Variants in METTL16 observed in about 807,000 individuals in gnomAD.
The protein encoded by METTL16 is methyltransferase 16, RNA N6-adenosine.
METTL16 carries 19 observed loss-of-function variants against 57.9 expected under a neutral mutation model. The observed-to-expected ratio is 0.33, with a 90% CI of 0.23 to 0.48. METTL16 has a LOEUF of 0.48. Among genes scored for constraint, METTL16 ranks in the 20% least tolerant of loss-of-function variants. The pLI is 0.99. For synonymous variants in METTL16, 246 were observed against 255.6 expected (o/e 0.96, Z 0.36); for missense variants, 434 against 691.5 (o/e 0.63, Z 4.18).
intron 6 of METTL16, among the ~76,000 whole-genome samples, chr17:2,444,124 C>T (rs2066975128): frequency 6.6e-6 from 1 of 152,106 alleles, no homozygotes; most frequent in Admixed American, 6.6e-5. Flanking sequence ...ATAAGGACAT[C>T]TCAGTCAGTA....
chr17:2,487,289 G>C (rs1252018366), intron 2 of METTL16, among the ~76,000 whole-genome samples: 1 of 152,216 alleles, frequency 6.6e-6, no homozygotes, highest in Non-Finnish European at 1.5e-5. Flanking sequence ...TTTAAGCGGA[G>C]ATGGAGCCCA....
rs2066744614 is a variant in METTL16, at chr17:2,419,602, CA to C, written c.*367del. The C allele has an allele frequency of 2.1e-6, 1 of 476,992 alleles. No individual in the cohort carries two copies. The highest frequency in any genetic ancestry group is 4.1e-6 in the Non-Finnish European group (1 of 241,514). 29.5% of individuals were successfully genotyped at this position (476,992 alleles called of 1,614,324 possible). ...AAGAAACACCCTTGGGTGACAGAGA[CA>C]GCATGATATTCTAGGCAGTGCTGCC... On this transcript the variant is annotated 3_prime_UTR_variant, in exon 10 of 10. Transcript: ENST00000263092.
intron 6 of METTL16, among the ~76,000 whole-genome samples, chr17:2,443,493 T>C (rs2066969004): frequency 6.6e-6 from 1 of 150,602 alleles, no homozygotes; most frequent in African/African-American, 2.4e-5. Flanking sequence ...TCATTTCTTT[T>C]TTTTTTTTTT....
rs147084490 is a variant in METTL16, at chr17:2,496,122, G to GCA, written c.128+6080_128+6081dup. 2.5e-4 allele frequency among the ~76,000 whole-genome samples: 37 copies of GCA among 148,690 alleles called. 1 individual carries two copies. The highest frequency in any genetic ancestry group is 1.7e-3 in the South Asian group (8 of 4,740). On this transcript the variant is annotated intron_variant, in intron 2 of 9. Transcript: ENST00000263092. ...AGCGACTCTGTCTCAAAACACACATGCACACACACACACACAAAACAAAAC... is the reference window on the plus strand; with the variant it reads ...AGCGACTCTGTCTCAAAACACACATGCACACACACACACACACAAAACAAAAC...
Position 2,502,350 on chromosome 17 carries a change from G to C in METTL16, c.1-19C>G. ...GAGCCATCTTAAGGAGAGAAAGAGA[G>C]AAAGAAAATCAGCATATTTATTAAA... On this transcript the variant is annotated intron_variant, in intron 1 of 9. Transcript: ENST00000263092. The C allele has an allele frequency of 6.2e-7, 1 of 1,608,542 alleles. No individual in the cohort carries two copies. The highest frequency in any genetic ancestry group is 1.1e-5 in the South Asian group (1 of 90,682).
At chr17:2,441,590 C>G in intron 6 of METTL16, 31 bp from the exon 7 acceptor site, 1 of 1,458,192 alleles carries the variant, frequency 6.9e-7, no homozygotes, top group Non-Finnish European at 9.2e-7. Context: ...CAAGTAAATA[C>G]GGTTTATGTG....
chr17:2,430,755 T>C (rs568891401), intron 8 of METTL16, among the ~76,000 whole-genome samples: 193 of 152,080 alleles, frequency 1.3e-3, no homozygotes, highest in African/African-American at 4.1e-3. Context: ...AATTGAAATA[T>C]AGATACAGAA....
At chr17:2,487,854 A>T (rs7216336) in intron 2 of METTL16, among the ~76,000 whole-genome samples, 2 of 151,606 alleles carry the variant, frequency 1.3e-5, no homozygotes, top group Admixed American at 6.6e-5. Flanking sequence ...AAAAAATTTT[A>T]AATTAGCCAG....
intron 8 of METTL16, among the ~76,000 whole-genome samples, chr17:2,430,265 A>AC (rs1346522579): frequency 6.7e-6 from 1 of 149,554 alleles, no homozygotes; most frequent in African/African-American, 2.5e-5. Flanking sequence ...GGCGCATACC[A>AC]CCACTCCTGG....
At chr17:2,422,855 C>T (rs1304428414) in intron 8 of METTL16, among the ~76,000 whole-genome samples, 1 of 151,606 alleles carries the variant, frequency 6.6e-6, no homozygotes, top group African/African-American at 2.4e-5. Context: ...GTGGTGGCCG[C>T]GCCTGTAATT....
At chr17:2,432,513 G>T (rs940426621) in intron 8 of METTL16, among the ~76,000 whole-genome samples, 2 of 152,126 alleles carry the variant, frequency 1.3e-5, no homozygotes, top group African/African-American at 2.4e-5. Flanking sequence ...AAGCTGCAGT[G>T]AGCCGTGAGC....
intron 8 of METTL16, among the ~76,000 whole-genome samples, chr17:2,429,925 C>G (rs1239406137): frequency 6.6e-6 from 1 of 151,874 alleles, no homozygotes; most frequent in Admixed American, 6.6e-5. Flanking sequence ...ATTCTCCTGT[C>G]TCAGCCTCCC....
chr17:2,502,446 AGATCACCT>A lies in METTL16; in HGVS notation c.1-123_1-116del, dbSNP rs2067496154. 8 of 874,946 alleles carry A rather than the reference AGATCACCT, an allele frequency of 9.1e-6. No individual in the cohort carries two copies. In the Admixed American group the frequency reaches 1.1e-4, roughly 12 times the overall value. 54.2% of individuals were successfully genotyped at this position (874,946 alleles called of 1,614,324 possible). A position where few individuals can be genotyped will look rare whatever the true frequency, so the allele number is the denominator to read the frequency against. On this transcript the variant is annotated intron_variant, in intron 1 of 9. Coordinates refer to ENST00000263092, the MANE Select transcript of METTL16 (RefSeq NM_024086.4). ...AGTACTTTGGGAGGCCAAGGTAAGT[AGATCACCT>A]GATTCAGGAGTTCAAGACCATCCCA...
chr17:2,438,280 T>C, intron 7 of METTL16, 82 bp from the exon 8 acceptor site: 2 of 978,964 alleles, frequency 2.0e-6, no homozygotes, highest in Non-Finnish European at 1.7e-6. Context: ...TGCCATATTA[T>C]GTTGATCCTT....
At chr17:2,429,904 G>A (rs910371006) in intron 8 of METTL16, among the ~76,000 whole-genome samples, 30 of 151,798 alleles carry the variant, frequency 2.0e-4, no homozygotes, top group African/African-American at 6.1e-4. Context: ...TCTGCCTACC[G>A]GGTTCAAGCG....
rs1403229193 is a variant in METTL16, at chr17:2,419,001, GGGGGGATTACAAGT to G, written c.*955_*968del. ...TCTCCAATGTGAGTAGGTAAGTACAGGGGGGATTACAAGTGAAGCCACAAAAAAACAGTATTTGA... is the reference window on the plus strand; with the variant it reads ...TCTCCAATGTGAGTAGGTAAGTACAGGAAGCCACAAAAAAACAGTATTTGA... On this transcript the variant is annotated 3_prime_UTR_variant, in exon 10 of 10. Transcript: ENST00000263092. The G allele has an allele frequency of 6.5e-6, 1 of 153,118 alleles. No homozygotes were observed. The highest frequency in any genetic ancestry group is 6.5e-5 in the Admixed American group (1 of 15,374). 9.5% of individuals were successfully genotyped at this position (153,118 alleles called of 1,614,324 possible).
At chr17:2,430,582 ATT>A (rs2066866526) in intron 8 of METTL16, among the ~76,000 whole-genome samples, 1 of 106,038 alleles carries the variant, frequency 9.4e-6, no homozygotes. Flanking sequence ...CGCCGGGCTA[ATT>A]TTTTTGTATT....
At chr17:2,430,684 C>T (rs2066867355) in intron 8 of METTL16, among the ~76,000 whole-genome samples, 1 of 151,958 alleles carries the variant, frequency 6.6e-6, no homozygotes, top group Non-Finnish European at 1.5e-5. Flanking sequence ...TCCTAAAGTG[C>T]TGGGATTACA....
At chr17:2,453,459 T>C (rs1049137948) in intron 6 of METTL16, among the ~76,000 whole-genome samples, 2 of 152,180 alleles carry the variant, frequency 1.3e-5, no homozygotes, top group Non-Finnish European at 2.9e-5. Context: ...TTCCACGTCA[T>C]TGGATTCAGA....
Sources: gnomAD v4.1 joint callset for allele counts (sites outside exome capture counted in the v4.1 genomes callset) on GRCh38, gnomAD v4.1.1 for gene constraint, MANE v1.5 for transcripts, NCBI Gene and HGNC (gene_info 2026-07-23, HGNC 2026-07-21) for gene names.